The following BNIP1 variants were observed in gnomAD, a reference collection of about 807,000 sequenced individuals.
The protein encoded by BNIP1 is BCL2 interacting protein 1.
A neutral mutation model predicts 28.5 loss-of-function variants in BNIP1; 25 were observed. The ratio of observed to expected loss-of-function variants is 0.88; its 90% CI spans 0.64 to 1.23. The LOEUF (loss-of-function observed/expected upper bound fraction) is 1.23. Among genes scored for constraint, BNIP1 ranks in the 50% most tolerant of loss-of-function variants. BNIP1 has a pLI of 0.00. For synonymous variants in BNIP1, 118 were observed against 101.7 expected, an observed-to-expected ratio of 1.16 and a Z score of -0.96; for missense variants, 276 against 277.0, an observed-to-expected ratio of 1.00 and a Z score of 0.02.
chr5:173,162,078 A>G (rs78616938), intron 5 of BNIP1, among the ~76,000 whole-genome samples: 2 of 152,306 alleles, frequency 1.3e-5, no homozygotes, highest in East Asian at 3.9e-4. Flanking sequence ...AAAAGGTAAC[A>G]CATACAGCAT....
At position 173,151,574 on chromosome 5, in the gene BNIP1, C is replaced by G. The variant is rs550334288; in HGVS notation, c.178-2748C>G. 5.1e-6 allele frequency: 8 copies of G among 1,580,678 alleles called. No homozygotes were observed. The African/African-American group carries it at 1.1e-4, about 22-fold the overall frequency. On this transcript the variant is annotated intron_variant, in intron 2 of 5. Transcript: ENST00000351486. ...TTTTTTTTTTTTTTTAGCCAGTTCTCTATCAAAGGGCATTTATTTGGACTG... is the reference window on the plus strand; with the variant it reads ...TTTTTTTTTTTTTTTAGCCAGTTCTGTATCAAAGGGCATTTATTTGGACTG...
chr5:173,153,906 A>G (rs1456535280), intron 2 of BNIP1, among the ~76,000 whole-genome samples: 1 of 152,228 alleles, frequency 6.6e-6, no homozygotes, highest in African/African-American at 2.4e-5. Flanking sequence ...TTAATTAAAT[A>G]GGCACAGAAA....
chr5:173,163,649 C>T, intron 5 of BNIP1, 76 bp from the exon 6 acceptor site: 1 of 1,372,180 alleles, frequency 7.3e-7, no homozygotes, highest in Non-Finnish European at 9.9e-7. Flanking sequence ...TTTATCAGCA[C>T]CCCAGCCAGC....
rs573596341 is a variant in BNIP1 at position 173,155,496 on chromosome 5, C to T, written c.269+1083C>T. ...TGGGCAGATCATGAGGTCAGGAGTT[C>T]GAGACCAGCTTGACCAACATGGTGA... On this transcript the variant is annotated intron_variant, in intron 3 of 5. Transcript: ENST00000351486. 1.0e-3 allele frequency among the ~76,000 whole-genome samples: 159 copies of T among 152,180 alleles called. 2 individuals carry two copies. The South Asian group carries it at 0.015, about 14-fold the overall frequency.
At position 173,146,923 on chromosome 5, in the gene BNIP1, A is replaced by G. The variant is rs777365698; in HGVS notation, c.142A>G (p.Lys48Glu). The stretch of plus-strand genomic sequence containing the variant: ...TCTTACTGAACTGAATACTAAAGTA[A>G]AAGAGAAATTTCAACAGTTGCGTCA... ...SALTELNTKV[K>E]EKFQQLRHRI... The change falls in exon 2 of 6, where the codon AAA becomes GAA. Residue 48 changes from lysine to glutamate, a missense_variant. Coordinates refer to ENST00000351486, the MANE Select transcript of BNIP1 (RefSeq NM_001205.3). 6.2e-7 allele frequency: 1 copy of G among 1,613,878 alleles called. No homozygotes were observed. The highest frequency in any genetic ancestry group is 8.5e-7 in the Non-Finnish European group (1 of 1,179,894).
chr5:173,148,345 T>C (rs571215540), intron 2 of BNIP1, among the ~76,000 whole-genome samples: 1 of 151,650 alleles, frequency 6.6e-6, no homozygotes, highest in Non-Finnish European at 1.5e-5. Flanking sequence ...TGAAGACCAC[T>C]TGTGGGTCTG....
At chr5:173,153,662 C>A (rs971281031) in intron 2 of BNIP1, among the ~76,000 whole-genome samples, 1 of 151,856 alleles carries the variant, frequency 6.6e-6, no homozygotes, top group Non-Finnish European at 1.5e-5. Flanking sequence ...TTTTTAACCC[C>A]TCTATTTGGA....
chr5:173,146,987 G>A (rs1180947235), intron 2 of BNIP1, 29 bp downstream of exon 2: 9 of 1,564,814 alleles, frequency 5.8e-6, no homozygotes, highest in Non-Finnish European at 7.0e-6. Context: ...GTCAATGAAG[G>A]GGGCTCTGTC....
intron 5 of BNIP1, among the ~76,000 whole-genome samples, chr5:173,162,359 C>T (rs367778505): frequency 1.2e-4 from 19 of 152,242 alleles, no homozygotes; most frequent in Non-Finnish European, 1.9e-4. Flanking sequence ...CGCGGTGGCT[C>T]ATGCCGGTAA....
intron 3 of BNIP1, among the ~76,000 whole-genome samples, chr5:173,154,782 A>G (rs5745139): frequency 0.012 from 1,755 of 152,226 alleles, 25 homozygotes; most frequent in South Asian, 0.072. Context: ...TTGGCTTCCC[A>G]AAGTGCTGGG....
chr5:173,154,509 C>A, intron 3 of BNIP1, 96 bp downstream of exon 3: 1 of 957,650 alleles, frequency 1.0e-6, no homozygotes, highest in Non-Finnish European at 1.6e-6. Flanking sequence ...TGCTTTAATG[C>A]TGACTTAATG....
chr5:173,154,498 CT>C, intron 3 of BNIP1, 85 bp downstream of exon 3: 1 of 1,045,084 alleles, frequency 9.6e-7, no homozygotes, highest in Non-Finnish European at 1.4e-6. Context: ...CCTGATGGAT[CT>C]GCTTTAATGC....
chr5:173,161,624 T>A (rs1760363980), intron 5 of BNIP1: 1 of 152,230 alleles, frequency 6.6e-6, no homozygotes, highest in Non-Finnish European at 1.5e-5. Context: ...ACCCTTTCCT[T>A]ATGCCTCACA....
intron 1 of BNIP1, 126 bp downstream of exon 1, chr5:173,144,755 T>C (rs1277485306): frequency 1.0e-6 from 1 of 967,914 alleles, no homozygotes; most frequent in Non-Finnish European, 1.5e-6. Flanking sequence ...CTCCGCCCCA[T>C]GGTCGGCTAC....
At chr5:173,149,175 G>T (rs548454132) in intron 2 of BNIP1, among the ~76,000 whole-genome samples, 11 of 152,122 alleles carry the variant, frequency 7.2e-5, no homozygotes, top group Non-Finnish European at 1.5e-4. Flanking sequence ...GGGTGTCATG[G>T]ATCTGCCCAT....
At chr5:173,148,036 C>G (rs1171431241) in intron 2 of BNIP1, among the ~76,000 whole-genome samples, 1 of 113,922 alleles carries the variant, frequency 8.8e-6, no homozygotes, top group Admixed American at 1.2e-4. Flanking sequence ...GCACTCTAGC[C>G]TTGGTGACAG....
chr5:173,160,643 G>C (rs1482250683), intron 5 of BNIP1, among the ~76,000 whole-genome samples: 1 of 152,146 alleles, frequency 6.6e-6, no homozygotes, highest in Non-Finnish European at 1.5e-5. Context: ...TCCTAGAGAG[G>C]GTGTCGGCAG....
chr5:173,156,156 G>A (rs183752693), intron 3 of BNIP1, among the ~76,000 whole-genome samples: 10 of 152,170 alleles, frequency 6.6e-5, no homozygotes, highest in Admixed American at 3.3e-4. Context: ...GCTATTTCAC[G>A]AATACTTTAT....
intron 3 of BNIP1, among the ~76,000 whole-genome samples, chr5:173,155,430 G>A (rs1257834869): frequency 6.6e-6 from 1 of 152,204 alleles, no homozygotes; most frequent in East Asian, 1.9e-4. Context: ...GCCCAGTGCG[G>A]CGGCTCACGC....
Sources: allele counts gnomAD v4.1 joint callset (sites outside exome capture counted in the v4.1 genomes callset), GRCh38; gene constraint gnomAD v4.1.1; transcripts MANE v1.5; gene names NCBI Gene and HGNC (gene_info 2026-07-23, HGNC 2026-07-21).